Variants in PCCB observed in about 807,000 individuals in gnomAD.
PCCB encodes propionyl-CoA carboxylase beta chain, mitochondrial.
PCCB carries 43 observed loss-of-function variants against 60.7 expected under a neutral mutation model. The observed-to-expected ratio is 0.71, with a 90% CI of 0.55 to 0.91. The LOEUF (loss-of-function observed/expected upper bound fraction) is 0.91, where lower values mean the gene tolerates loss of function less well. Ranked by LOEUF, PCCB falls within the 40% of genes least tolerant of loss-of-function variation. The pLI, the probability that PCCB is intolerant of heterozygous loss-of-function variation, is 0.00. For synonymous variants in PCCB, 276 were observed against 255.9 expected (o/e 1.08, Z -0.75); for missense variants, 766 against 702.8 (o/e 1.09, Z -1.02).
intron 1 of PCCB, among the ~76,000 whole-genome samples, chr3:136,251,071 G>T (rs532488163): frequency 6.6e-6 from 1 of 152,276 alleles, no homozygotes; most frequent in South Asian, 2.1e-4. Context: ...TGGAACTTCT[G>T]CCCGCAGAAT....
At chr3:136,282,697 T>G (rs907205608) in intron 5 of PCCB, among the ~76,000 whole-genome samples, 3 of 152,216 alleles carry the variant, frequency 2.0e-5, no homozygotes, top group Non-Finnish European at 4.4e-5. Flanking sequence ...ACTATACTTA[T>G]GCAGTGTTTA....
chr3:136,313,396 G>C (rs1006514731), intron 9 of PCCB, among the ~76,000 whole-genome samples: 3 of 152,194 alleles, frequency 2.0e-5, no homozygotes, highest in Non-Finnish European at 2.9e-5. Flanking sequence ...CTATGCAGAA[G>C]TGAAAAAGAA....
At chr3:136,291,056 A>AT (rs748939888) in intron 6 of PCCB, among the ~76,000 whole-genome samples, 3 of 151,816 alleles carry the variant, frequency 2.0e-5, no homozygotes, top group South Asian at 2.1e-4. Context: ...TATTTTAGTT[A>AT]TTTTTTTAGA....
chr3:136,302,559 T>A lies in PCCB; in HGVS notation c.966+1448T>A, dbSNP rs1424578933. Among the ~76,000 whole-genome samples the A allele has an allele frequency of 1.7e-5, 2 of 120,308 alleles. 1 individual carries two copies. The highest frequency in any genetic ancestry group is 3.7e-5 in the Non-Finnish European group (2 of 54,242). The allele number at this position is 120,308 out of a possible 152,430, so 78.9% of individuals were successfully genotyped here. A position where few individuals can be genotyped will look rare whatever the true frequency, so the allele number is the denominator to read the frequency against. On this transcript the variant is annotated intron_variant, in intron 9 of 14. Coordinates refer to ENST00000251654, the MANE Select transcript of PCCB (RefSeq NM_000532.5). ...AGGGTTTTATTTTATTTATTTATTTTTATTTTATTTTATTATTATTATACT... is the reference window on the plus strand; with the variant it reads ...AGGGTTTTATTTTATTTATTTATTTATATTTTATTTTATTATTATTATACT...
At chr3:136,310,141 A>G (rs1399198637) in intron 9 of PCCB, among the ~76,000 whole-genome samples, 1 of 151,654 alleles carries the variant, frequency 6.6e-6, no homozygotes, top group East Asian at 1.9e-4. Context: ...AGGTGGGCGG[A>G]TCACCTGAGG....
chr3:136,274,065 T>C (rs983991911), intron 5 of PCCB, among the ~76,000 whole-genome samples: 4 of 152,064 alleles, frequency 2.6e-5, no homozygotes, highest in African/African-American at 9.7e-5. Context: ...ATTTGGTTTG[T>C]GATTTTTTAA....
rs1236102157 is a variant in PCCB, at chr3:136,311,474, CT to C, written c.967-5466del. On this transcript the variant is annotated intron_variant, in intron 9 of 14. Coordinates refer to ENST00000251654, the MANE Select transcript of PCCB (RefSeq NM_000532.5). ...AAGCAATCCTCCCACATTGCCAGGA[CT>C]ACAGGCATGCATCACCACACACACC... 2.0e-5 allele frequency among the ~76,000 whole-genome samples: 3 copies of C among 152,104 alleles called. No individual in the cohort carries two copies. In the East Asian group the frequency reaches 5.8e-4, roughly 30 times the overall value.
chr3:136,300,649 C>G (rs1451818385), intron 8 of PCCB, among the ~76,000 whole-genome samples: 1 of 152,190 alleles, frequency 6.6e-6, no homozygotes, highest in Non-Finnish European at 1.5e-5. Context: ...AGTCCTTGTT[C>G]TTTTAATGTT....
intron 5 of PCCB, among the ~76,000 whole-genome samples, chr3:136,266,911 C>G (rs569226728): frequency 6.6e-6 from 1 of 152,164 alleles, no homozygotes; most frequent in East Asian, 1.9e-4. Flanking sequence ...TTGAGACAGC[C>G]TCACCCTGTC....
chr3:136,273,597 C>CTTTTTTTTTTTTTTTTTTTT, intron 5 of PCCB, among the ~76,000 whole-genome samples: 51 of 45,222 alleles, frequency 1.1e-3, no homozygotes, highest in Non-Finnish European at 1.6e-3. Context: ...TTTCTTTTTT[C>CTTTTTTTTTTTTTTTTTTTT]TTTTTTTTTT....
intron 5 of PCCB, among the ~76,000 whole-genome samples, chr3:136,264,623 C>T (rs1286190509): frequency 4.0e-5 from 6 of 151,786 alleles, no homozygotes; most frequent in African/African-American, 1.2e-4. Flanking sequence ...CCTATGATCC[C>T]AGCACTTTGG....
chr3:136,288,956 C>T (rs1933549727), intron 6 of PCCB, among the ~76,000 whole-genome samples: 1 of 152,086 alleles, frequency 6.6e-6, no homozygotes, highest in Admixed American at 6.6e-5. Context: ...GTGTGTGCCA[C>T]CATGCCTGGC....
In PCCB at chr3:136,262,072, A is replaced by C; in HGVS notation, c.543+7A>C. On this transcript the variant is annotated splice_region_variant and intron_variant, in intron 5 of 14. Transcript: ENST00000251654. The stretch of plus-strand genomic sequence containing the variant: ...CTATGCAGACATCTTTCTGGTGAGA[A>C]ACCTGTTAATAGAGAATAAAAAAAT... 6.6e-7 allele frequency: 1 copy of C among 1,510,724 alleles called. No homozygotes were observed. The highest frequency in any genetic ancestry group is 1.2e-5 in the South Asian group (1 of 83,284). 93.6% of individuals were successfully genotyped at this position (1,510,724 alleles called of 1,614,324 possible).
chr3:136,280,409 C>T (rs182975042), intron 5 of PCCB, among the ~76,000 whole-genome samples: 1 of 152,116 alleles, frequency 6.6e-6, no homozygotes, highest in African/African-American at 2.4e-5. Flanking sequence ...TGCAGTGGTG[C>T]GATCTTGGCG....
intron 10 of PCCB, among the ~76,000 whole-genome samples, chr3:136,326,022 C>T (rs1377903072): frequency 6.6e-6 from 1 of 151,952 alleles, no homozygotes; most frequent in East Asian, 2.0e-4. Context: ...CCTTGTCAGC[C>T]AGGATGGTCT....
chr3:136,255,659 ACTGT>A (rs1219597846), intron 1 of PCCB, 193 bp from the exon 2 acceptor site: 2 of 611,210 alleles, frequency 3.3e-6, no homozygotes, highest in Non-Finnish European at 5.9e-6. Flanking sequence ...TCTGGCGCAC[ACTGT>A]CTGTCCTGAT....
chr3:136,326,246 T>C, intron 10 of PCCB: 2 of 683,148 alleles, frequency 2.9e-6, no homozygotes, highest in Non-Finnish European at 2.7e-6. Context: ...GTAATACTGG[T>C]CTCATAGAAT....
At chr3:136,294,341 C>T (rs1933840250) in intron 7 of PCCB, among the ~76,000 whole-genome samples, 2 of 151,954 alleles carry the variant, frequency 1.3e-5, no homozygotes, top group Non-Finnish European at 1.5e-5. Flanking sequence ...AGACAGGATC[C>T]AGCTCTGTGG....
At chr3:136,326,424 A>G in intron 10 of PCCB, 2 of 702,550 alleles carry the variant, frequency 2.8e-6, no homozygotes, top group Non-Finnish European at 5.2e-6. Context: ...TAATTTCTCA[A>G]GGGCACGTTG....
Sources: allele counts gnomAD v4.1 joint callset (sites outside exome capture counted in the v4.1 genomes callset), GRCh38; gene constraint gnomAD v4.1.1; transcripts MANE v1.5; gene names NCBI Gene and HGNC (gene_info 2026-07-23, HGNC 2026-07-21).